The following KIRREL3 variants were observed in gnomAD, a reference collection of about 807,000 sequenced individuals.
KIRREL3 encodes kin of IRRE-like protein 3.
Under a neutral mutation model 89.7 loss-of-function variants are expected in KIRREL3, and 36 were observed. The observed-to-expected ratio is 0.40, with a 90% CI of 0.31 to 0.53. The LOEUF (loss-of-function observed/expected upper bound fraction) is 0.53. KIRREL3 is among the 20% of genes least tolerant of loss of function. KIRREL3 has a pLI of 0.49. For synonymous variants in KIRREL3, 445 were observed against 441.4 expected, an observed-to-expected ratio of 1.01 and a Z score of -0.10; for missense variants, 864 against 1,056.6, an observed-to-expected ratio of 0.82 and a Z score of 2.53.
intron 1 of KIRREL3, among the ~76,000 whole-genome samples, chr11:126,806,872 C>T (rs997329579): frequency 6.6e-6 from 1 of 151,602 alleles, no homozygotes; most frequent in African/African-American, 2.4e-5. Flanking sequence ...GTGATGTTTA[C>T]CTCTCTGTGT....
At position 126,429,275 on chromosome 11, in the gene KIRREL3, A is replaced by G; in HGVS notation, c.1710T>C (p.Val570=). 1 of 1,611,942 alleles carries G rather than the reference A, an allele frequency of 6.2e-7. No homozygotes were observed. Among genetic ancestry groups the G allele is most frequent in the Non-Finnish European group, 8.5e-7 (1 of 1,178,028 alleles). ...CTCGGATATCATTTTTGGCTGACAC[A>G]ACACCTTTGAGATCTGGAGATAAAA... ...CARSQRNLKG[V]VSAKNDIRVE... is the part of the protein sequence containing the mutation. Residue 570 remains valine (V), a synonymous_variant, in exon 15 of 17, where the codon GTT becomes GTC. Coordinates refer to ENST00000525144, the MANE Select transcript of KIRREL3 (RefSeq NM_032531.4). This position sits in a 1 kb window ranked among gnomAD's most constrained non-coding sequence, Gnocchi z 5.2.
intron 1 of KIRREL3, among the ~76,000 whole-genome samples, chr11:126,690,208 C>A (rs777235337): frequency 2.0e-5 from 3 of 152,158 alleles, no homozygotes; most frequent in Admixed American, 6.5e-5. Flanking sequence ...AGTGTTTATG[C>A]GCCTTAATTC....
rs911832166 is a variant in KIRREL3 at position 126,740,100 on chromosome 11, C to G, written c.56-177188G>C. On this transcript the variant is annotated intron_variant, in intron 1 of 16. Coordinates refer to ENST00000525144, the MANE Select transcript of KIRREL3 (RefSeq NM_032531.4). This position sits in a 1 kb window ranked among gnomAD's most constrained non-coding sequence, Gnocchi z 6.0. The stretch of plus-strand genomic sequence containing the variant: ...CAGTTTAACCTGAGGTAATTTGGCC[C>G]ATTAGTTCAAATTGTGTTTTTTTCT... 6.6e-6 allele frequency among the ~76,000 whole-genome samples: 1 copy of G among 152,086 alleles called. No individual in the cohort carries two copies. The highest frequency in any genetic ancestry group is 1.5e-5 in the Non-Finnish European group (1 of 68,018).
Position 126,771,652 on chromosome 11 carries a change from C to T in KIRREL3, c.56-208740G>A, listed in dbSNP as rs1053800829. ...ACCAGTGCTCCTCCTGATCTCTATC[C>T]ATGGGCAGTTAATAAATATTTGCTG... On this transcript the variant is annotated intron_variant, in intron 1 of 16. Coordinates refer to ENST00000525144, the MANE Select transcript of KIRREL3 (RefSeq NM_032531.4). This position sits in a 1 kb window ranked among gnomAD's most constrained non-coding sequence, Gnocchi z 4.4. 3.3e-5 allele frequency among the ~76,000 whole-genome samples: 5 copies of T among 152,170 alleles called. No individual in the cohort carries two copies. Among genetic ancestry groups the T allele is most frequent in the Middle Eastern group, 6.3e-3 (2 of 316 alleles).
chr11:126,629,414 T>C (rs913704258), intron 1 of KIRREL3, among the ~76,000 whole-genome samples: 3 of 152,286 alleles, frequency 2.0e-5, no homozygotes, highest in Admixed American at 2.0e-4. Flanking sequence ...CTGGGAGACT[T>C]CTGGGCCAAA....
chr11:126,680,940 G>T (rs900615531), intron 1 of KIRREL3, among the ~76,000 whole-genome samples: 3 of 152,122 alleles, frequency 2.0e-5, no homozygotes, highest in African/African-American at 7.2e-5. Flanking sequence ...ACACTTAGTG[G>T]TTTCCCCCAC....
At chr11:126,913,368 G>A (rs1400466483) in intron 1 of KIRREL3, among the ~76,000 whole-genome samples, 1 of 152,238 alleles carries the variant, frequency 6.6e-6, no homozygotes, top group Non-Finnish European at 1.5e-5. Flanking sequence ...AATGGGGCTA[G>A]TGACCTTTTT....
At chr11:126,833,130 T>C (rs910728436) in intron 1 of KIRREL3, among the ~76,000 whole-genome samples, 50 of 152,310 alleles carry the variant, frequency 3.3e-4, no homozygotes, top group African/African-American at 1.2e-3. Flanking sequence ...CTCCAACTAT[T>C]TCAAACAGAA....
rs1275325138 is a variant in KIRREL3, at chr11:126,527,318, C to A, written c.134-631G>T. 6.6e-6 allele frequency among the ~76,000 whole-genome samples: 1 copy of A among 152,110 alleles called. No individual in the cohort carries two copies. Among genetic ancestry groups the A allele is most frequent in the Non-Finnish European group, 1.5e-5 (1 of 68,026 alleles). ...CCTTTCTTTTCTGCAGCAGACCTTA[C>A]TCCAGCCTCACAATCACTTGGGAAA... On this transcript the variant is annotated intron_variant, in intron 2 of 16. Coordinates refer to ENST00000525144, the MANE Select transcript of KIRREL3 (RefSeq NM_032531.4). This position sits in a 1 kb window ranked among gnomAD's most constrained non-coding sequence, Gnocchi z 4.2.
At chr11:126,923,205 T>TTCTTC (rs1947483580) in intron 1 of KIRREL3, among the ~76,000 whole-genome samples, 4 of 10,932 alleles carry the variant, frequency 3.7e-4, no homozygotes, top group East Asian at 1.7e-3. Context: ...CTTCTTCTTC[T>TTCTTC]TCTTCTTCTT....
Position 126,459,175 on chromosome 11 carries a change from C to T in KIRREL3, c.743-2721G>A, listed in dbSNP as rs1416215366. Among the ~76,000 whole-genome samples, 1 of 152,140 alleles carries T rather than the reference C, an allele frequency of 6.6e-6. No individual in the cohort carries two copies. The highest frequency in any genetic ancestry group is 1.5e-5 in the Non-Finnish European group (1 of 68,024). On this transcript the variant is annotated intron_variant, in intron 6 of 16. Coordinates refer to ENST00000525144, the MANE Select transcript of KIRREL3 (RefSeq NM_032531.4). The surrounding 1 kb of genome is among the most constrained non-coding windows in gnomAD (Gnocchi z 4.8). ...GGTTTGAGGAGGTGAGTGCCAGTCC[C>T]ATAGGCTCAAGGGACCCGCCACAGA...
At position 126,918,813 on chromosome 11, in the gene KIRREL3, A is replaced by G. The variant is rs1947148131; in HGVS notation, c.55+81642T>C. ...GGCCTTCCTGATGTCTGCATGTTAT[A>G]AAGAATGGGGAGCTAGCTGCCAAGA... On this transcript the variant is annotated intron_variant, in intron 1 of 16. Coordinates refer to ENST00000525144, the MANE Select transcript of KIRREL3 (RefSeq NM_032531.4). This position sits in a 1 kb window ranked among gnomAD's most constrained non-coding sequence, Gnocchi z 6.5. Among the ~76,000 whole-genome samples the G allele has an allele frequency of 1.3e-5, 2 of 152,180 alleles. No individual in the cohort carries two copies. Among genetic ancestry groups the G allele is most frequent in the South Asian group, 2.1e-4 (1 of 4,832 alleles).
chr11:126,908,200 T>C lies in KIRREL3; in HGVS notation c.55+92255A>G, dbSNP rs1565406167. Among the ~76,000 whole-genome samples the C allele has an allele frequency of 6.6e-6, 1 of 152,240 alleles. No individual in the cohort carries two copies. Among genetic ancestry groups the C allele is most frequent in the Non-Finnish European group, 1.5e-5 (1 of 68,036 alleles). On this transcript the variant is annotated intron_variant, in intron 1 of 16. Coordinates refer to ENST00000525144, the MANE Select transcript of KIRREL3 (RefSeq NM_032531.4). The surrounding 1 kb of genome is among the most constrained non-coding windows in gnomAD (Gnocchi z 4.2). ...GTATTTTCAGTGCCTAGGCACATAA[T>C]AGACCCTTGATAAATATTTATTAAA... is the stretch of plus-strand genomic sequence containing the variant.
intron 4 of KIRREL3, among the ~76,000 whole-genome samples, chr11:126,479,748 C>T (rs1016827610): frequency 2.0e-5 from 3 of 152,228 alleles, no homozygotes; most frequent in Non-Finnish European, 2.9e-5. Context: ...AAGGGGCAGA[C>T]TGCTCCCTGC....
chr11:126,450,965 G>A (rs1956076003), intron 7 of KIRREL3, among the ~76,000 whole-genome samples: 1 of 151,592 alleles, frequency 6.6e-6, no homozygotes. Flanking sequence ...GTGAGCGTGT[G>A]CATGCATGGG....
At position 126,569,024 on chromosome 11, in the gene KIRREL3, G is replaced by A. The variant is rs1940734049; in HGVS notation, c.56-6112C>T. On this transcript the variant is annotated intron_variant, in intron 1 of 16. Coordinates refer to ENST00000525144, the MANE Select transcript of KIRREL3 (RefSeq NM_032531.4). The surrounding 1 kb of genome is among the most constrained non-coding windows in gnomAD (Gnocchi z 6.5). ...TCATGGGAGAGGCCAAGGAACCAGA[G>A]AGCTTGGGAATGGAGAGGAAATGAT... Among the ~76,000 whole-genome samples, 1 of 152,078 alleles carries A rather than the reference G, an allele frequency of 6.6e-6. No homozygotes were observed. Among genetic ancestry groups the A allele is most frequent in the Admixed American group, 6.5e-5 (1 of 15,274 alleles).
intron 1 of KIRREL3, among the ~76,000 whole-genome samples, chr11:126,833,591 T>C (rs892585562): frequency 2.0e-5 from 3 of 152,218 alleles, no homozygotes; most frequent in Non-Finnish European, 2.9e-5. Flanking sequence ...TGCTGAAACA[T>C]GAAAATTGGA....
chr11:126,757,564 T>A (rs7932144), intron 1 of KIRREL3, among the ~76,000 whole-genome samples: 26,774 of 152,070 alleles, frequency 0.18, 3,827 homozygotes, highest in East Asian at 0.77. Context: ...ACCTACAGGA[T>A]AGGCAGGGGG....
rs558628076 is a variant in KIRREL3, at chr11:126,791,717, A to G, written c.55+208738T>C. Among the ~76,000 whole-genome samples the G allele has an allele frequency of 6.6e-6, 1 of 152,290 alleles. No individual in the cohort carries two copies. Among genetic ancestry groups the G allele is most frequent in the South Asian group, 2.1e-4 (1 of 4,830 alleles). ...TGTGAATGAGTCTGAGCCCAGTGAA[A>G]GAGGGAGAGGGAACAGAGAGGGATG... On this transcript the variant is annotated intron_variant, in intron 1 of 16. Transcript: ENST00000525144. The surrounding 1 kb of genome is among the most constrained non-coding windows in gnomAD (Gnocchi z 4.8).
Sources: gnomAD v4.1 joint callset for allele counts (sites outside exome capture counted in the v4.1 genomes callset) on GRCh38, gnomAD v4.1.1 for gene constraint, Gnocchi (gnomAD v3.1) non-coding constraint, MANE v1.5 for transcripts, NCBI Gene and HGNC (gene_info 2026-07-23, HGNC 2026-07-21) for gene names.